The following ICE1 variants were observed in gnomAD, a reference collection of about 807,000 sequenced individuals.
ICE1 encodes the protein interactor of little elongation complex ELL subunit 1, also known as little elongation complex subunit 1.
A neutral mutation model predicts 192.7 loss-of-function variants in ICE1; 64 were observed. That is an observed-to-expected ratio of 0.33 (90% confidence interval 0.27 to 0.41). The LOEUF (loss-of-function observed/expected upper bound fraction) is 0.41. Among genes scored for constraint, ICE1 ranks in the 10% least tolerant of loss-of-function variants. The pLI, the probability that ICE1 is intolerant of heterozygous loss-of-function variation, is 1.00. For missense variants in ICE1, 2,708 were observed against 2,696.0 expected, an observed-to-expected ratio of 1.00 and a Z score of -0.10; for synonymous variants, 1,010 against 984.5, an observed-to-expected ratio of 1.03 and a Z score of -0.49.
At chr5:5,472,434 A>C (rs1051104178) in intron 15 of ICE1, among the ~76,000 whole-genome samples, 1 of 152,222 alleles carries the variant, frequency 6.6e-6, no homozygotes, top group Non-Finnish European at 1.5e-5. Flanking sequence ...TCCCATGTTC[A>C]CAATTACTGC....
intron 1 of ICE1, among the ~76,000 whole-genome samples, chr5:5,423,943 T>TG (rs1402448090): frequency 6.6e-6 from 1 of 152,212 alleles, no homozygotes; most frequent in Admixed American, 6.5e-5. Context: ...GTTGGAATAT[T>TG]GGTCTTGTCT....
At chr5:5,437,420 C>T (rs889300843) in intron 3 of ICE1, 3 of 248,334 alleles carry the variant, frequency 1.2e-5, no homozygotes, top group South Asian at 1.1e-4. Flanking sequence ...TTTAGGTTTA[C>T]GAATAATGTG....
At chr5:5,466,584 T>A in intron 14 of ICE1, 82 bp downstream of exon 14, 1 of 1,119,034 alleles carries the variant, frequency 8.9e-7, no homozygotes, top group African/African-American at 1.6e-5. Flanking sequence ...TTTTCAGCTC[T>A]GATTACTGTG....
intron 17 of ICE1, among the ~76,000 whole-genome samples, chr5:5,477,193 G>T (rs1739341550): frequency 6.6e-6 from 1 of 152,030 alleles, no homozygotes; most frequent in Non-Finnish European, 1.5e-5. Flanking sequence ...AAAAATCAAT[G>T]AATCCAGGAG....
intron 1 of ICE1, among the ~76,000 whole-genome samples, chr5:5,434,352 G>C (rs1737807811): frequency 6.6e-6 from 1 of 152,156 alleles, no homozygotes; most frequent in Non-Finnish European, 1.5e-5. Context: ...GTAGGCATGA[G>C]TAAAGGTAGG....
chr5:5,436,440 C>T lies in ICE1; in HGVS notation c.107C>T (p.Ala36Val). Residue 36 changes from alanine to valine, a missense_variant, in exon 2 of 19, where the codon GCA becomes GTA. By Grantham distance (64) the Ala-to-Val change is moderately conservative (BLOSUM62 0). Transcript: ENST00000296564. ...CAGAATTTGAATGAATATGTTGAAG[C>T]ATTAATTACCTTGAAACAAAAAATT... is the stretch of plus-strand genomic sequence containing the variant. ...LQQNLNEYVE[A>V]LITLKQKIIN... 3 of 1,473,944 alleles carry T rather than the reference C, an allele frequency of 2.0e-6. No individual in the cohort carries two copies. The highest frequency in any genetic ancestry group is 2.7e-6 in the Non-Finnish European group (3 of 1,110,318). The allele number at this position is 1,473,944 out of a possible 1,614,324, so 91.3% of individuals were successfully genotyped here.
chr5:5,448,372 A>G (rs539744897), intron 10 of ICE1, among the ~76,000 whole-genome samples: 1 of 152,266 alleles, frequency 6.6e-6, no homozygotes, highest in Non-Finnish European at 1.5e-5. Flanking sequence ...AGTGGTGGTC[A>G]CGGAACAAGG....
At chr5:5,437,869 A>T (rs1318110476) in intron 3 of ICE1, 1 of 152,218 alleles carries the variant, frequency 6.6e-6, no homozygotes, top group Non-Finnish European at 1.5e-5. Flanking sequence ...TTCATGTTCG[A>T]TGTCAGGACA....
intron 16 of ICE1, among the ~76,000 whole-genome samples, chr5:5,475,059 C>T (rs964670292): frequency 6.6e-6 from 1 of 152,180 alleles, no homozygotes; most frequent in African/African-American, 2.4e-5. Context: ...TGTGTCAGGG[C>T]CTGCTGTGGG....
Position 5,461,241 on chromosome 5 carries a change from T to C in ICE1, c.1907T>C (p.Leu636Ser), listed in dbSNP as rs780064762. ...IETSFSSSST[L>S]VALSVGSNPQ... is the part of the protein sequence containing the mutation. ...ACCAGTTTTTCTTCCTCTTCTACCT[T>C]GGTAGCATTGTCTGTTGGCAGTAAT... The change falls in exon 13 of 19, where the codon TTG becomes TCG. Residue 636 changes from leucine (L) to serine (S), a missense_variant. Physicochemically the swap from Leu to Ser is moderately radical, Grantham distance 145 (BLOSUM62 -2). Around this residue, in one of 2 missense-constraint regions of ICE1, gnomAD observed 2,366 missense variants for 2,276.6 expected, o/e 1.04. Coordinates refer to ENST00000296564, the MANE Select transcript of ICE1 (RefSeq NM_015325.3). The C allele has an allele frequency of 1.1e-5, 18 of 1,614,004 alleles. No homozygotes were observed. Among genetic ancestry groups the C allele is most frequent in the Non-Finnish European group, 1.5e-5 (18 of 1,179,884 alleles).
intron 7 of ICE1, among the ~76,000 whole-genome samples, chr5:5,446,417 TAG>T (rs1738225297): frequency 2.6e-5 from 4 of 151,782 alleles, no homozygotes; most frequent in Non-Finnish European, 4.4e-5. Flanking sequence ...ACCTCCTGAG[TAG>T]CTGGGAACTA....
intron 15 of ICE1, among the ~76,000 whole-genome samples, chr5:5,470,394 A>C (rs1045489816): frequency 6.6e-6 from 1 of 152,234 alleles, no homozygotes; most frequent in Non-Finnish European, 1.5e-5. Flanking sequence ...AGAATTAAGC[A>C]GGATATGGTT....
intron 1 of ICE1, among the ~76,000 whole-genome samples, chr5:5,430,425 C>T (rs1328418480): frequency 3.9e-5 from 6 of 152,168 alleles, no homozygotes; most frequent in Middle Eastern, 6.3e-3. Flanking sequence ...AGAATGCTAT[C>T]GGATAACTGA....
intron 7 of ICE1, among the ~76,000 whole-genome samples, chr5:5,446,587 T>C (rs1738230417): frequency 6.6e-6 from 1 of 152,152 alleles, no homozygotes; most frequent in South Asian, 2.1e-4. Context: ...CAAGGAAACA[T>C]CTTTAAAGAA....
intron 7 of ICE1, among the ~76,000 whole-genome samples, chr5:5,446,280 G>A (rs982969527): frequency 6.6e-6 from 1 of 150,952 alleles, no homozygotes; most frequent in African/African-American, 2.4e-5. Flanking sequence ...ACAGGTGTGA[G>A]CCACTGTGCC....
At chr5:5,469,936 T>C (rs994589191) in intron 15 of ICE1, among the ~76,000 whole-genome samples, 4 of 152,102 alleles carry the variant, frequency 2.6e-5, no homozygotes, top group Admixed American at 1.3e-4. Context: ...CAACCACATA[T>C]ATATCTGCTC....
intron 1 of ICE1, among the ~76,000 whole-genome samples, chr5:5,423,290 C>T (rs995484739): frequency 6.6e-6 from 1 of 152,142 alleles, no homozygotes; most frequent in African/African-American, 2.4e-5. Context: ...CTTCCCTACC[C>T]GGCCTCGGAG....
intron 7 of ICE1, 27 bp from the exon 8 acceptor site, chr5:5,447,400 C>T: frequency 2.1e-6 from 3 of 1,426,344 alleles, no homozygotes; most frequent in Non-Finnish European, 1.9e-6. Context: ...TTATTTTTCT[C>T]TCCCTATTGC....
chr5:5,465,094 G>C lies in ICE1; in HGVS notation c.5760G>C (p.Lys1920Asn), dbSNP rs764190405. Reference protein sequence around the residue: ...SHDKAIANALKKIAEFSFDLL... With the variant: ...SHDKAIANALNKIAEFSFDLL... The stretch of plus-strand genomic sequence containing the variant: ...ATAAAGCCATAGCTAATGCCCTGAA[G>C]AAAATTGCAGAGTTTTCTTTTGATC... The change falls in exon 13 of 19, where the codon AAG (lysine) becomes AAC (asparagine). Residue 1920 changes from lysine (K) to asparagine (N), a missense_variant. Coordinates refer to ENST00000296564, the MANE Select transcript of ICE1 (RefSeq NM_015325.3). 5 of 1,613,574 alleles carry C rather than the reference G, an allele frequency of 3.1e-6. No homozygotes were observed. The East Asian group carries it at 6.7e-5, about 22-fold the overall frequency.
Sources: allele counts gnomAD v4.1 joint callset (sites outside exome capture counted in the v4.1 genomes callset), GRCh38; gene constraint gnomAD v4.1.1; regional missense constraint gnomAD v4.1.1; transcripts MANE v1.5; gene names NCBI Gene and HGNC (gene_info 2026-07-23, HGNC 2026-07-21).